ARNT2: variants seen among roughly 807,000 people sequenced by gnomAD.
ARNT2 encodes the protein aryl hydrocarbon receptor nuclear translocator 2, also known as ARNT protein 2.
In ARNT2, 36 loss-of-function variants were observed where a neutral mutation model predicts 91.7. The observed-to-expected ratio is 0.39, with a 90% CI of 0.30 to 0.52. The LOEUF (loss-of-function observed/expected upper bound fraction) is 0.52. Among genes scored for constraint, ARNT2 ranks in the 20% least tolerant of loss-of-function variants. ARNT2 has a pLI of 0.72. For synonymous variants in ARNT2, 365 were observed against 347.1 expected, an observed-to-expected ratio of 1.05 and a Z score of -0.57; for missense variants, 775 against 939.3, an observed-to-expected ratio of 0.83 and a Z score of 2.29.
chr15:80,530,474 A>T (rs1338305333), intron 8 of ARNT2, among the ~76,000 whole-genome samples: 3 of 152,106 alleles, frequency 2.0e-5, no homozygotes, highest in Admixed American at 6.5e-5. Context: ...GTCTTGCTGG[A>T]GCCTTTTCCT....
At chr15:80,584,760 A>G (rs1354093377) in intron 17 of ARNT2, among the ~76,000 whole-genome samples, 1 of 152,170 alleles carries the variant, frequency 6.6e-6, no homozygotes, top group Non-Finnish European at 1.5e-5. Flanking sequence ...CCCAGTCCTG[A>G]CAGCACCCCA....
At chr15:80,463,573 T>TC (rs1896594171) in intron 3 of ARNT2, among the ~76,000 whole-genome samples, 1 of 100,474 alleles carries the variant, frequency 1.0e-5, no homozygotes, top group African/African-American at 3.8e-5. Flanking sequence ...ATGGGTGATT[T>TC]CCTTTTTTTT....
At chr15:80,583,834 A>G (rs1436306619) in intron 17 of ARNT2, among the ~76,000 whole-genome samples, 1 of 152,214 alleles carries the variant, frequency 6.6e-6, no homozygotes, top group East Asian at 1.9e-4. Context: ...TTTCAAATCC[A>G]TTCACAGGGG....
chr15:80,554,901 G>A (rs1233573761), intron 10 of ARNT2, 164 bp from the exon 11 acceptor site: 13 of 602,360 alleles, frequency 2.2e-5, no homozygotes, highest in South Asian at 4.8e-5. Context: ...GTTCTCTGAC[G>A]GCTCCCAGGG....
intron 8 of ARNT2, among the ~76,000 whole-genome samples, chr15:80,543,436 T>A (rs955206045): frequency 6.6e-6 from 1 of 152,234 alleles, no homozygotes; most frequent in Admixed American, 6.5e-5. Context: ...CATTCTCATT[T>A]CAAGCTGACA....
At chr15:80,491,218 A>T (rs1897052196) in intron 5 of ARNT2, among the ~76,000 whole-genome samples, 1 of 152,166 alleles carries the variant, frequency 6.6e-6, no homozygotes, top group African/African-American at 2.4e-5. Context: ...CATACCTGAG[A>T]CTGGGAAGAA....
intron 11 of ARNT2, among the ~76,000 whole-genome samples, chr15:80,559,333 C>CCCCAGCCCCAGA (rs1555413690): frequency 1.3e-4 from 19 of 147,832 alleles, no homozygotes; most frequent in South Asian, 1.1e-3. Context: ...CCAGACCCAG[C>CCCCAGCCCCAGA]CCCAGCCCCA....
chr15:80,449,094 A>G (rs1896349391), intron 1 of ARNT2, among the ~76,000 whole-genome samples: 1 of 152,272 alleles, frequency 6.6e-6, no homozygotes, highest in Non-Finnish European at 1.5e-5. Context: ...AGAGATATTT[A>G]TGATATACTG....
At position 80,581,307 on chromosome 15, in the gene ARNT2, G is replaced by C. The variant is rs377099665; in HGVS notation, c.1821G>C (p.Pro607=). Residue 607 remains proline, a synonymous_variant, in exon 17 of 19, where the codon CCG becomes CCC. Coordinates refer to ENST00000303329, the MANE Select transcript of ARNT2 (RefSeq NM_014862.4). ...PFGIGTSHTY[P]ADPSSYSPLS... The stretch of plus-strand genomic sequence containing the variant: ...GGATTGGAACGAGCCACACCTACCC[G>C]GCAGACCCCTCTTCCTACAGCCCCC... 20 of 1,614,006 alleles carry C rather than the reference G, an allele frequency of 1.2e-5. No homozygotes were observed. The highest frequency in any genetic ancestry group is 1.7e-5 in the Non-Finnish European group (20 of 1,180,040).
rs1895564921 is a variant in ARNT2, at chr15:80,404,390, C to T, written c.-126C>T. 4 of 466,176 alleles carry T rather than the reference C, an allele frequency of 8.6e-6. No homozygotes were observed. The highest frequency in any genetic ancestry group is 1.3e-4 in the East Asian group (1 of 7,910). The allele number at this position is 466,176 out of a possible 1,614,324, so 28.9% of individuals were successfully genotyped here. On this transcript the variant is annotated 5_prime_UTR_variant, in exon 1 of 19. Transcript: ENST00000303329. This position sits in a 1 kb window ranked among gnomAD's most constrained non-coding sequence, Gnocchi z 5.5. ...GGGAGAGCGGAGGGAGCGCCGCCCG[C>T]CCGCGCCGTCCTTTGTGTGGCGGCG... is the stretch of plus-strand genomic sequence containing the variant.
In ARNT2 at chr15:80,455,213, A is replaced by G. The variant is rs16972151; in HGVS notation, c.147-2716A>G. On this transcript the variant is annotated intron_variant, in intron 2 of 18. Transcript: ENST00000303329. Reference sequence around the variant, plus strand: ...GATCCTTTGTGTCCTCCAGGGTTGCATTGTTTTCCATGTTGCTGATGAGCC... The same window carrying G: ...GATCCTTTGTGTCCTCCAGGGTTGCGTTGTTTTCCATGTTGCTGATGAGCC... 3.4e-3 allele frequency among the ~76,000 whole-genome samples: 515 copies of G among 152,242 alleles called. 19 individuals carry two copies. In the East Asian group the frequency reaches 0.086, roughly 25 times the overall value.
In ARNT2 at chr15:80,580,453, CTCT is replaced by C. The variant is rs1567007485; in HGVS notation, c.1662_1664del (p.Ser555del). ...TGCCTGGAGTGAATGATATTCAGTCCTCTTCTTCCACGGGCCAGAACATGTCCC... is the reference window on the plus strand; with the variant it reads ...TGCCTGGAGTGAATGATATTCAGTCCTCTTCCACGGGCCAGAACATGTCCC... On this transcript the variant is annotated inframe_deletion, in exon 16 of 19. Coordinates refer to ENST00000303329, the MANE Select transcript of ARNT2 (RefSeq NM_014862.4). The C allele has an allele frequency of 6.2e-7, 1 of 1,614,122 alleles. No individual in the cohort carries two copies. Among genetic ancestry groups the C allele is most frequent in the South Asian group, 1.1e-5 (1 of 91,066 alleles).
At chr15:80,409,389 A>G (rs1199304765) in intron 1 of ARNT2, among the ~76,000 whole-genome samples, 1 of 151,710 alleles carries the variant, frequency 6.6e-6, no homozygotes, top group Non-Finnish European at 1.5e-5. Flanking sequence ...TTTTCTCTGT[A>G]TCTTTCAGTG....
At chr15:80,546,984 C>G (rs1898001026) in intron 8 of ARNT2, among the ~76,000 whole-genome samples, 1 of 149,666 alleles carries the variant, frequency 6.7e-6, no homozygotes, top group Non-Finnish European at 1.5e-5. Context: ...CCAAACAAAA[C>G]AAAACAATAA....
intron 1 of ARNT2, among the ~76,000 whole-genome samples, chr15:80,416,784 GAA>G (rs1895791636): frequency 6.6e-6 from 1 of 152,076 alleles, no homozygotes; most frequent in Non-Finnish European, 1.5e-5. Context: ...TTTTTGGCAA[GAA>G]TACCCCAAAA....
chr15:80,576,761 C>T, intron 14 of ARNT2, 105 bp from the exon 15 acceptor site: 1 of 1,186,878 alleles, frequency 8.4e-7, no homozygotes, highest in Non-Finnish European at 1.2e-6. Flanking sequence ...TGACTTGTGT[C>T]CTCCCGTTCC....
chr15:80,562,723 A>C (rs1362060160), intron 11 of ARNT2: 1 of 271,284 alleles, frequency 3.7e-6, no homozygotes, highest in Non-Finnish European at 7.1e-6. Flanking sequence ...GTGAGTGGAG[A>C]GCACCAAACC....
intron 5 of ARNT2, among the ~76,000 whole-genome samples, chr15:80,477,889 A>T (rs578056161): frequency 2.6e-5 from 4 of 152,204 alleles, no homozygotes; most frequent in South Asian, 2.1e-4. Context: ...TTTTGGAAGG[A>T]TATTAGTAAT....
chr15:80,467,548 G>A (rs1896673069), intron 3 of ARNT2, among the ~76,000 whole-genome samples: 1 of 152,218 alleles, frequency 6.6e-6, no homozygotes, highest in Non-Finnish European at 1.5e-5. Flanking sequence ...CGGTTCTCCA[G>A]GGTGTCTGGC....
Sources: gnomAD v4.1 joint callset for allele counts (sites outside exome capture counted in the v4.1 genomes callset) on GRCh38, gnomAD v4.1.1 for gene constraint, Gnocchi (gnomAD v3.1) non-coding constraint, MANE v1.5 for transcripts, NCBI Gene and HGNC (gene_info 2026-07-23, HGNC 2026-07-21) for gene names.